The following HTR1F variants were observed in gnomAD, a reference collection of about 807,000 sequenced individuals.
HTR1F encodes 5-hydroxytryptamine (serotonin) receptor 1F, G protein-coupled.
HTR1F carries 17 observed loss-of-function variants against 24.0 expected under a neutral mutation model. That is an observed-to-expected ratio of 0.71 (90% CI 0.48 to 1.06). The LOEUF (loss-of-function observed/expected upper bound fraction) is 1.06, where lower values mean the gene tolerates loss of function less well. Among genes scored for constraint, HTR1F ranks in the 50% least tolerant of loss-of-function variants. HTR1F has a pLI of 0.00. For synonymous variants in HTR1F, 186 were observed against 156.8 expected, an observed-to-expected ratio of 1.19 and a Z score of -1.39; for missense variants, 391 against 427.8, an observed-to-expected ratio of 0.91 and a Z score of 0.76.
chr3:87,936,103 G>T (rs1453257868), intron 2 of HTR1F, among the ~76,000 whole-genome samples: 1 of 152,128 alleles, frequency 6.6e-6, no homozygotes, highest in East Asian at 1.9e-4. Flanking sequence ...TCCCACCTTG[G>T]CCTCCCAAAG....
rs1274242687 is a variant in HTR1F at position 87,992,532 on chromosome 3, ATTATC to A, written c.*688_*692del. 9 of 167,162 alleles carry A rather than the reference ATTATC, an allele frequency of 5.4e-5. No homozygotes were observed. Among genetic ancestry groups the A allele is most frequent in the African/African-American group, 1.9e-4 (8 of 41,572 alleles). The allele number at this position is 167,162 out of a possible 1,614,324, so 10.4% of individuals were successfully genotyped here. On this transcript the variant is annotated 3_prime_UTR_variant, in exon 3 of 3. Coordinates refer to ENST00000319595, the MANE Select transcript of HTR1F (RefSeq NM_001322209.2). The stretch of plus-strand genomic sequence containing the variant: ...GTTTGATATAAACTTCTAGAATAAT[ATTATC>A]TTATCCTTATATTATCAGCATTTGA...
chr3:87,925,655 C>T (rs1704108454), intron 2 of HTR1F, among the ~76,000 whole-genome samples: 1 of 152,148 alleles, frequency 6.6e-6, no homozygotes. Flanking sequence ...AAGCAGGACC[C>T]TGCATGGGTT....
At chr3:87,808,034 G>A (rs1020113457) in intron 1 of HTR1F, among the ~76,000 whole-genome samples, 13 of 151,788 alleles carry the variant, frequency 8.6e-5, no homozygotes, top group African/African-American at 1.2e-4. Flanking sequence ...GTATTTTTTT[G>A]AGAATTTCTG....
At chr3:87,842,303 G>A (rs1452339992) in intron 2 of HTR1F, among the ~76,000 whole-genome samples, 1 of 151,716 alleles carries the variant, frequency 6.6e-6, no homozygotes, top group Admixed American at 6.6e-5. Context: ...TGGGATTATA[G>A]GCGCCCACCA....
intron 2 of HTR1F, among the ~76,000 whole-genome samples, chr3:87,876,776 C>T (rs1201395728): frequency 6.6e-6 from 1 of 152,060 alleles, no homozygotes; most frequent in Middle Eastern, 3.2e-3. Context: ...ACAACATATA[C>T]ATATTGTTCC....
At chr3:87,929,245 A>G (rs988009830) in intron 2 of HTR1F, among the ~76,000 whole-genome samples, 2 of 152,198 alleles carry the variant, frequency 1.3e-5, no homozygotes, top group African/African-American at 4.8e-5. Flanking sequence ...TGTCACTAGT[A>G]GAGAAAATGC....
intron 2 of HTR1F, among the ~76,000 whole-genome samples, chr3:87,928,820 A>G (rs372763719): frequency 5.3e-5 from 8 of 152,214 alleles, no homozygotes; most frequent in Non-Finnish European, 7.3e-5. Context: ...TAAAGAGAGA[A>G]AAAGAAATAT....
At chr3:87,844,279 T>C (rs1163687655) in intron 2 of HTR1F, among the ~76,000 whole-genome samples, 1 of 151,318 alleles carries the variant, frequency 6.6e-6, no homozygotes, top group Non-Finnish European at 1.5e-5. Context: ...TGATGGCCAG[T>C]GATGGTGAGC....
chr3:87,820,014 T>G (rs1180742856), intron 1 of HTR1F, among the ~76,000 whole-genome samples: 1 of 152,138 alleles, frequency 6.6e-6, no homozygotes, highest in Non-Finnish European at 1.5e-5. Flanking sequence ...TATATTTCTG[T>G]GTAGATATGT....
intron 2 of HTR1F, among the ~76,000 whole-genome samples, chr3:87,916,092 G>C (rs943664980): frequency 3.3e-5 from 5 of 152,006 alleles, no homozygotes; most frequent in African/African-American, 1.2e-4. Flanking sequence ...CAAGAAATTT[G>C]TATCCAGCTA....
rs140656645 is a variant in HTR1F, at chr3:87,868,174, G to A, written c.-43+46050G>A. Reference sequence around the variant, plus strand: ...TAGAAGATGATTTTGTTGCCATGGTGGCTTTTAGCTTGGAGATTTCTGACA... The same window carrying A: ...TAGAAGATGATTTTGTTGCCATGGTAGCTTTTAGCTTGGAGATTTCTGACA... On this transcript the variant is annotated intron_variant, in intron 2 of 2. Coordinates refer to ENST00000319595, the MANE Select transcript of HTR1F (RefSeq NM_001322209.2). Among the ~76,000 whole-genome samples the A allele has an allele frequency of 3.9e-3, 595 of 152,144 alleles. 7 individuals are homozygous for A. The highest frequency in any genetic ancestry group is 0.014 in the African/African-American group (570 of 41,546).
intron 2 of HTR1F, among the ~76,000 whole-genome samples, chr3:87,912,387 A>G (rs1222277375): frequency 6.6e-6 from 1 of 152,096 alleles, no homozygotes; most frequent in Non-Finnish European, 1.5e-5. Context: ...TTCTACAAGT[A>G]GAACTACAAA....
chr3:87,947,794 A>T (rs535589085), intron 2 of HTR1F, among the ~76,000 whole-genome samples: 27 of 12,162 alleles, frequency 2.2e-3, no homozygotes, highest in East Asian at 0.021. Context: ...CTTTATATTT[A>T]TTATATAACT....
chr3:87,883,978 C>T (rs978764469), intron 2 of HTR1F, among the ~76,000 whole-genome samples: 6 of 152,110 alleles, frequency 3.9e-5, no homozygotes, highest in African/African-American at 1.4e-4. Flanking sequence ...CATTCAAATT[C>T]AGGAAATACA....
At chr3:87,869,937 C>G (rs1007896341) in intron 2 of HTR1F, among the ~76,000 whole-genome samples, 1 of 152,042 alleles carries the variant, frequency 6.6e-6, no homozygotes, top group Non-Finnish European at 1.5e-5. Context: ...CTAATTATCA[C>G]ATTTGATAAA....
At chr3:87,978,458 T>C (rs779566053) in intron 2 of HTR1F, among the ~76,000 whole-genome samples, 97 of 152,060 alleles carry the variant, frequency 6.4e-4, no homozygotes, top group Non-Finnish European at 2.6e-4. Context: ...ACAGTACAGC[T>C]CTCAGTACAG....
intron 2 of HTR1F, among the ~76,000 whole-genome samples, chr3:87,885,378 C>T (rs1440883804): frequency 1.3e-5 from 2 of 152,152 alleles, no homozygotes; most frequent in East Asian, 3.9e-4. Context: ...TAAATGCCCA[C>T]AAGAGAAAGC....
At chr3:87,809,955 C>T (rs1704133189) in intron 1 of HTR1F, among the ~76,000 whole-genome samples, 1 of 151,974 alleles carries the variant, frequency 6.6e-6, no homozygotes, top group African/African-American at 2.4e-5. Context: ...GATACACCAT[C>T]TGGTTATTTT....
At chr3:87,979,368 C>T (rs1705492238) in intron 2 of HTR1F, among the ~76,000 whole-genome samples, 1 of 152,114 alleles carries the variant, frequency 6.6e-6, no homozygotes, top group Non-Finnish European at 1.5e-5. Flanking sequence ...GGGGGATTGA[C>T]AGTGTTCTCC....
Sources: allele counts gnomAD v4.1 joint callset (sites outside exome capture counted in the v4.1 genomes callset), GRCh38; gene constraint gnomAD v4.1.1; transcripts MANE v1.5; gene names NCBI Gene and HGNC (gene_info 2026-07-23, HGNC 2026-07-21).